The following RAC1 variants were observed in gnomAD, a reference collection of about 807,000 sequenced individuals.
The protein encoded by RAC1 is Rac family small GTPase 1.
RAC1 carries 2 observed loss-of-function variants against 25.2 expected under a neutral mutation model. That is an observed-to-expected ratio of 0.08 (90% CI 0.03 to 0.25). The LOEUF (loss-of-function observed/expected upper bound fraction) is 0.25, where lower values mean the gene tolerates loss of function less well. Ranked by LOEUF, RAC1 falls within the 10% of genes least tolerant of loss-of-function variation. The pLI is 1.00. For missense variants in RAC1, 50 were observed against 235.7 expected, an observed-to-expected ratio of 0.21 and a Z score of 5.16; for synonymous variants, 88 against 94.0, an observed-to-expected ratio of 0.94 and a Z score of 0.37.
At chr7:6,400,837 G>A (rs778827751) in intron 4 of RAC1, among the ~76,000 whole-genome samples, 3 of 152,004 alleles carry the variant, frequency 2.0e-5, no homozygotes, top group Non-Finnish European at 4.4e-5. Flanking sequence ...CACCACGCCC[G>A]GCTAATTTTG....
At chr7:6,399,012 C>T (rs1042766289) in intron 3 of RAC1, among the ~76,000 whole-genome samples, 1 of 152,188 alleles carries the variant, frequency 6.6e-6, no homozygotes, top group African/African-American at 2.4e-5. Context: ...AGACTCCTCC[C>T]GGAAGCCCAC....
chr7:6,401,599 C>T (rs41308856), intron 4 of RAC1: 6,508 of 218,670 alleles, frequency 0.03, 134 homozygotes, highest in Non-Finnish European at 0.042. Flanking sequence ...CTCTTCCCTT[C>T]CCCCCTTCCC....
At chr7:6,377,320 T>C (rs1236583782) in intron 1 of RAC1, among the ~76,000 whole-genome samples, 1 of 152,116 alleles carries the variant, frequency 6.6e-6, no homozygotes, top group Non-Finnish European at 1.5e-5. Context: ...CCTGGCCAGG[T>C]CAGGTGGCTC....
intron 2 of RAC1, among the ~76,000 whole-genome samples, chr7:6,390,556 C>T (rs1033863848): frequency 9.3e-5 from 14 of 151,292 alleles, no homozygotes; most frequent in Non-Finnish European, 1.9e-4. Context: ...GCCGAGATCG[C>T]ACCACTGCAC....
chr7:6,400,045 C>G, intron 3 of RAC1, 81 bp from the exon 4 acceptor site: 1 of 1,272,578 alleles, frequency 7.9e-7, no homozygotes, highest in Non-Finnish European at 1.1e-6. Context: ...ACAAGTCCTT[C>G]CCAGCAACAT....
Position 6,384,456 on chromosome 7 carries a change from CGT to C in RAC1, c.36-2755_36-2754del, listed in dbSNP as rs1405171500. ...CCATGTCCTTAACAAGAAGAGGTAA[CGT>C]ATTTCCCTATGCCACTGCCCACTTA... On this transcript the variant is annotated intron_variant, in intron 1 of 5. Coordinates refer to ENST00000348035, the MANE Select transcript of RAC1 (RefSeq NM_006908.5). Among the ~76,000 whole-genome samples, 2 of 152,150 alleles carry C rather than the reference CGT, an allele frequency of 1.3e-5. 1 individual carries two copies. Among genetic ancestry groups the C allele is most frequent in the Non-Finnish European group, 2.9e-5 (2 of 68,032 alleles).
At chr7:6,388,899 T>A (rs188081580) in intron 2 of RAC1, among the ~76,000 whole-genome samples, 63 of 152,226 alleles carry the variant, frequency 4.1e-4, no homozygotes, top group African/African-American at 1.4e-3. Context: ...ACAATGGATG[T>A]TTTAAATTTT....
At chr7:6,388,457 G>A (rs1202161084) in intron 2 of RAC1, among the ~76,000 whole-genome samples, 2 of 146,748 alleles carry the variant, frequency 1.4e-5, no homozygotes, top group Non-Finnish European at 3.0e-5. Context: ...GTGATTCTCT[G>A]CCTCAGCCTC....
At chr7:6,401,738 C>G in intron 4 of RAC1, 130 bp from the exon 5 acceptor site, 1 of 908,152 alleles carries the variant, frequency 1.1e-6, no homozygotes, top group Non-Finnish European at 1.7e-6. Flanking sequence ...TGGGAACCAC[C>G]TGAAGCCTCC....
chr7:6,381,386 C>T (rs911631099), intron 1 of RAC1, among the ~76,000 whole-genome samples: 12 of 130,398 alleles, frequency 9.2e-5, no homozygotes, highest in Admixed American at 7.3e-4. Flanking sequence ...GTAATAATTG[C>T]TGGCTTTTTT....
intron 1 of RAC1, among the ~76,000 whole-genome samples, chr7:6,378,816 G>C (rs773604624): frequency 5.3e-5 from 8 of 152,006 alleles, no homozygotes; most frequent in Admixed American, 3.9e-4. Context: ...ACCCGGGCGC[G>C]ATGGCTCATG....
chr7:6,390,788 T>C (rs911087360), intron 2 of RAC1, among the ~76,000 whole-genome samples: 4 of 152,224 alleles, frequency 2.6e-5, no homozygotes, highest in Non-Finnish European at 5.9e-5. Flanking sequence ...GGCAAGGACC[T>C]GATTCTTTTT....
chr7:6,381,912 G>A (rs537035864), intron 1 of RAC1, among the ~76,000 whole-genome samples: 3 of 152,016 alleles, frequency 2.0e-5, no homozygotes, highest in African/African-American at 4.8e-5. Context: ...ACCTTCATGC[G>A]AGGTCTTTAA....
chr7:6,403,477 TAGA>T lies in RAC1; in HGVS notation c.*1034_*1036del, dbSNP rs35850876. 1,850 of 218,368 alleles carry T rather than the reference TAGA, an allele frequency of 8.5e-3. 16 individuals carry two copies. The highest frequency in any genetic ancestry group is 0.011 in the Non-Finnish European group (1,219 of 108,454). The allele number at this position is 218,368 out of a possible 1,614,324, so 13.5% of individuals were successfully genotyped here. ...TTATAAAATCTTTCTGATAATGCAT[TAGA>T]AGGTTTTTTTGTCGATTAGTAAAAG... On this transcript the variant is annotated 3_prime_UTR_variant, in exon 6 of 6. Coordinates refer to ENST00000348035, the MANE Select transcript of RAC1 (RefSeq NM_006908.5).
chr7:6,383,993 C>G (rs571560875), intron 1 of RAC1, among the ~76,000 whole-genome samples: 5 of 151,794 alleles, frequency 3.3e-5, no homozygotes, highest in Admixed American at 2.0e-4. Flanking sequence ...AGGGGTTTCT[C>G]CATGTTGGTC....
chr7:6,403,576 T>C lies in RAC1; in HGVS notation c.*1130T>C, dbSNP rs1440160130. ...GTTTTCTAGTAACTAGGTGTAAAAATCATGTGTTGCAGCTTTATAGTTTTT... is the reference window on the plus strand; with the variant it reads ...GTTTTCTAGTAACTAGGTGTAAAAACCATGTGTTGCAGCTTTATAGTTTTT... On this transcript the variant is annotated 3_prime_UTR_variant, in exon 6 of 6. Transcript: ENST00000348035. The C allele has an allele frequency of 1.4e-5, 3 of 218,164 alleles. No homozygotes were observed. Among genetic ancestry groups the C allele is most frequent in the Admixed American group, 5.8e-5 (1 of 17,288 alleles). The allele number at this position is 218,164 out of a possible 1,614,324, so 13.5% of individuals were successfully genotyped here.
chr7:6,397,743 G>A (rs983534099), intron 3 of RAC1, among the ~76,000 whole-genome samples: 1 of 152,148 alleles, frequency 6.6e-6, no homozygotes, highest in African/African-American at 2.4e-5. Context: ...ATCCCAGCAC[G>A]TTGGGAAGCC....
intron 3 of RAC1, chr7:6,398,556 C>T (rs754888349): frequency 5.0e-5 from 48 of 967,796 alleles, no homozygotes; most frequent in Admixed American, 2.7e-4. Context: ...TGGATCTCTC[C>T]GGAGGGTTAA....
At chr7:6,398,641 C>A in intron 3 of RAC1, 1 of 1,611,382 alleles carries the variant, frequency 6.2e-7, no homozygotes, top group East Asian at 2.2e-5. Context: ...AAACTCAAAC[C>A]AAGTTCTCAT....
Sources: gnomAD v4.1 joint callset for allele counts (sites outside exome capture counted in the v4.1 genomes callset) on GRCh38, gnomAD v4.1.1 for gene constraint, MANE v1.5 for transcripts, NCBI Gene and HGNC (gene_info 2026-07-23, HGNC 2026-07-21) for gene names.